Variants in NOS1AP observed in about 807,000 individuals in gnomAD.
NOS1AP encodes carboxyl-terminal PDZ ligand of neuronal nitric oxide synthase protein.
NOS1AP carries 21 observed loss-of-function variants against 56.2 expected under a neutral mutation model. That is an observed-to-expected ratio of 0.37 (90% confidence interval 0.26 to 0.54). NOS1AP has a LOEUF of 0.54. Ranked by LOEUF, NOS1AP falls within the 20% of genes least tolerant of loss-of-function variation. NOS1AP has a pLI of 0.84. For missense variants in NOS1AP, 522 were observed against 657.8 expected (o/e 0.79, Z 2.26); for synonymous variants, 270 against 274.6 (o/e 0.98, Z 0.17).
At chr1:162,331,832 T>TG (rs533690617) in intron 4 of NOS1AP, among the ~76,000 whole-genome samples, 1 of 123,984 alleles carries the variant, frequency 8.1e-6, no homozygotes, top group Non-Finnish European at 1.8e-5. Context: ...CTGGAGGCCC[T>TG]GGGGGGGCCC....
intron 1 of NOS1AP, among the ~76,000 whole-genome samples, chr1:162,107,916 G>C (rs964963410): frequency 6.6e-6 from 1 of 152,168 alleles, no homozygotes; most frequent in Non-Finnish European, 1.5e-5. Flanking sequence ...AATAAACAAC[G>C]AATTATATTT....
chr1:162,365,650 G>T, intron 9 of NOS1AP, 81 bp downstream of exon 9: 2 of 1,563,364 alleles, frequency 1.3e-6, no homozygotes, highest in Non-Finnish European at 1.7e-6. Flanking sequence ...TTTTGGTGGT[G>T]CTTTCTTGGA....
chr1:162,290,931 C>A (rs1655265781), intron 3 of NOS1AP, among the ~76,000 whole-genome samples: 1 of 152,076 alleles, frequency 6.6e-6, no homozygotes, highest in South Asian at 2.1e-4. Flanking sequence ...AGCTCGGATA[C>A]TCTGTGCCAG....
At chr1:162,349,603 A>G (rs543589665) in intron 6 of NOS1AP, among the ~76,000 whole-genome samples, 1 of 152,330 alleles carries the variant, frequency 6.6e-6, no homozygotes, top group Non-Finnish European at 1.5e-5. Context: ...GAGAGAATGT[A>G]TGTAAAGCAG....
intron 2 of NOS1AP, among the ~76,000 whole-genome samples, chr1:162,229,140 T>A (rs1304384480): frequency 6.6e-6 from 1 of 152,224 alleles, no homozygotes; most frequent in Non-Finnish European, 1.5e-5. Context: ...GAAATAGAGC[T>A]GACTGGCTCT....
At chr1:162,078,484 G>T (rs917707895) in intron 1 of NOS1AP, among the ~76,000 whole-genome samples, 1 of 151,962 alleles carries the variant, frequency 6.6e-6, no homozygotes, top group African/African-American at 2.4e-5. Context: ...AAATCCTCTT[G>T]AATGTTCCCA....
At chr1:162,081,774 A>ATACATTTTTTTTTTTTTTTT in intron 1 of NOS1AP, among the ~76,000 whole-genome samples, 1 of 44,060 alleles carries the variant, frequency 2.3e-5, no homozygotes, top group Non-Finnish European at 4.6e-5. Context: ...ATATATATAT[A>ATACATTTTTTTTTTTTTTTT]TTTTTTTTTT....
At chr1:162,109,585 C>G (rs1174415127) in intron 1 of NOS1AP, among the ~76,000 whole-genome samples, 1 of 152,030 alleles carries the variant, frequency 6.6e-6, no homozygotes, top group Non-Finnish European at 1.5e-5. Flanking sequence ...ACTATTCTTT[C>G]TATTTTTGTG....
rs114893844 is a variant in NOS1AP at position 162,178,302 on chromosome 1, A to G, written c.177+23826A>G. On this transcript the variant is annotated intron_variant, in intron 2 of 9. Transcript: ENST00000361897. ...GTTTGGAATTATGAATAAAGCTGCC[A>G]AGAACATCTGTGAGCAGCTTTTTGT... is the stretch of plus-strand genomic sequence containing the variant. Among the ~76,000 whole-genome samples, 356 of 152,346 alleles carry G rather than the reference A, an allele frequency of 2.3e-3. 6 individuals carry two copies. Among genetic ancestry groups the G allele is most frequent in the African/African-American group, 8.0e-3 (334 of 41,576 alleles).
At chr1:162,098,399 A>G (rs1450717711) in intron 1 of NOS1AP, among the ~76,000 whole-genome samples, 1 of 151,914 alleles carries the variant, frequency 6.6e-6, no homozygotes, top group Non-Finnish European at 1.5e-5. Context: ...GAGCCACTGC[A>G]TCTGGCTGAT....
At chr1:162,257,423 T>C (rs1654065962) in intron 2 of NOS1AP, among the ~76,000 whole-genome samples, 1 of 151,702 alleles carries the variant, frequency 6.6e-6, no homozygotes, top group Admixed American at 6.6e-5. Flanking sequence ...CCAAGGTGGG[T>C]GGATCACCTG....
chr1:162,270,005 T>C (rs535051290), intron 2 of NOS1AP, among the ~76,000 whole-genome samples: 1 of 152,310 alleles, frequency 6.6e-6, no homozygotes, highest in South Asian at 2.1e-4. Flanking sequence ...CATGAGACTA[T>C]GACTATTATT....
At chr1:162,298,887 A>G (rs948170143) in intron 3 of NOS1AP, among the ~76,000 whole-genome samples, 6 of 152,270 alleles carry the variant, frequency 3.9e-5, no homozygotes, top group Non-Finnish European at 8.8e-5. Context: ...GAAAAATATA[A>G]TAGCTAAAAT....
chr1:162,244,077 T>C (rs10918963), intron 2 of NOS1AP, among the ~76,000 whole-genome samples: 33,487 of 152,164 alleles, frequency 0.22, 4,165 homozygotes, highest in East Asian at 0.51. Flanking sequence ...TATCGGGCCT[T>C]AAAGTATTTT....
chr1:162,318,146 C>T (rs936008890), intron 4 of NOS1AP, among the ~76,000 whole-genome samples: 2 of 152,166 alleles, frequency 1.3e-5, no homozygotes, highest in African/African-American at 4.8e-5. Context: ...CTACATTCCC[C>T]TAGATCTTGA....
At chr1:162,246,895 A>G (rs1327013959) in intron 2 of NOS1AP, among the ~76,000 whole-genome samples, 3 of 152,186 alleles carry the variant, frequency 2.0e-5, no homozygotes, top group Non-Finnish European at 4.4e-5. Flanking sequence ...GAGAAGAAAT[A>G]AAATCCATTA....
intron 6 of NOS1AP, among the ~76,000 whole-genome samples, chr1:162,352,079 A>G (rs1310736917): frequency 3.3e-5 from 5 of 151,044 alleles, no homozygotes; most frequent in Non-Finnish European, 7.4e-5. Flanking sequence ...TTTTTTCTCA[A>G]GACAGAATCT....
At chr1:162,273,416 C>A (rs1160694754) in intron 2 of NOS1AP, among the ~76,000 whole-genome samples, 1 of 152,198 alleles carries the variant, frequency 6.6e-6, no homozygotes, top group Non-Finnish European at 1.5e-5. Context: ...CCACCCACCT[C>A]GGCCTCCCGA....
intron 2 of NOS1AP, among the ~76,000 whole-genome samples, chr1:162,213,458 T>C (rs1652439208): frequency 6.6e-6 from 1 of 152,118 alleles, no homozygotes; most frequent in East Asian, 1.9e-4. Context: ...AGTTGCCAAA[T>C]ACAAGAAGCA....
Sources: gnomAD v4.1 joint callset for allele counts (sites outside exome capture counted in the v4.1 genomes callset) on GRCh38, gnomAD v4.1.1 for gene constraint, MANE v1.5 for transcripts, NCBI Gene and HGNC (gene_info 2026-07-23, HGNC 2026-07-21) for gene names.